Variants in TMEM181 observed in about 807,000 individuals in gnomAD.
TMEM181 encodes the protein G protein-coupled receptor 178.
In TMEM181, 39 loss-of-function variants were observed where a neutral mutation model predicts 71.9. That is an observed-to-expected ratio of 0.54 (90% CI 0.42 to 0.71). The LOEUF is 0.71. Ranked by LOEUF, TMEM181 falls within the 30% of genes least tolerant of loss-of-function variation. The pLI, the probability that TMEM181 is intolerant of heterozygous loss-of-function variation, is 0.00. For missense variants in TMEM181, 595 were observed against 583.0 expected (o/e 1.02, Z -0.21); for synonymous variants, 245 against 228.8 (o/e 1.07, Z -0.64).
chr6:158,612,264 G>A (rs1051811572), intron 10 of TMEM181, among the ~76,000 whole-genome samples: 3 of 152,188 alleles, frequency 2.0e-5, no homozygotes, highest in Non-Finnish European at 2.9e-5. Context: ...CTGAAAATGG[G>A]GGTGTTTGTC....
intron 1 of TMEM181, among the ~76,000 whole-genome samples, chr6:158,570,958 G>C (rs1782773273): frequency 1.3e-5 from 2 of 151,514 alleles, no homozygotes; most frequent in South Asian, 2.1e-4. Flanking sequence ...CTGTCACCTG[G>C]CTGGAGTGCA....
chr6:158,539,462 C>G (rs751037753), intron 1 of TMEM181, among the ~76,000 whole-genome samples: 1 of 152,318 alleles, frequency 6.6e-6, no homozygotes, highest in South Asian at 2.1e-4. Context: ...GGCTCCTTCT[C>G]TTCTCACCGT....
At chr6:158,575,294 T>C (rs1485324137) in intron 2 of TMEM181, among the ~76,000 whole-genome samples, 1 of 152,180 alleles carries the variant, frequency 6.6e-6, no homozygotes, top group African/African-American at 2.4e-5. Flanking sequence ...TAACTGTCAT[T>C]TTGCAAATGA....
At chr6:158,590,167 C>T (rs1784025704) in intron 6 of TMEM181, among the ~76,000 whole-genome samples, 1 of 152,078 alleles carries the variant, frequency 6.6e-6, no homozygotes, top group South Asian at 2.1e-4. Context: ...TTTCTTGTGT[C>T]CAGCTGAAAT....
chr6:158,612,659 C>T (rs745423137), intron 10 of TMEM181, among the ~76,000 whole-genome samples: 1 of 152,324 alleles, frequency 6.6e-6, no homozygotes, highest in Non-Finnish European at 1.5e-5. Flanking sequence ...GCCTCTCTTA[C>T]GAGACCTGAT....
At chr6:158,537,594 C>G (rs1229219306) in intron 1 of TMEM181, among the ~76,000 whole-genome samples, 1 of 152,206 alleles carries the variant, frequency 6.6e-6, no homozygotes, top group African/African-American at 2.4e-5. Context: ...CCGCCAATGG[C>G]CGATTTACCC....
At chr6:158,582,249 C>T (rs1783523985) in intron 3 of TMEM181, among the ~76,000 whole-genome samples, 1 of 152,142 alleles carries the variant, frequency 6.6e-6, no homozygotes, top group African/African-American at 2.4e-5. Flanking sequence ...TTTACAGTTT[C>T]TGTCTCTCAG....
At chr6:158,544,126 A>G (rs1781444710) in intron 1 of TMEM181, among the ~76,000 whole-genome samples, 1 of 151,408 alleles carries the variant, frequency 6.6e-6, no homozygotes, top group South Asian at 2.1e-4. Context: ...GAGGTGTCTG[A>G]AACCTTCACT....
chr6:158,583,878 T>G, intron 3 of TMEM181, 76 bp from the exon 4 acceptor site: 1 of 1,051,140 alleles, frequency 9.5e-7, no homozygotes, highest in Non-Finnish European at 1.4e-6. Context: ...AAGTAAACTT[T>G]GTGTGTTAAA....
chr6:158,610,805 C>T, intron 10 of TMEM181: 1 of 310,838 alleles, frequency 3.2e-6, no homozygotes, highest in Non-Finnish European at 6.1e-6. Context: ...AGGTAGCCGG[C>T]AGGCTTGGGG....
At chr6:158,564,190 C>A (rs562258159) in intron 1 of TMEM181, among the ~76,000 whole-genome samples, 5 of 152,176 alleles carry the variant, frequency 3.3e-5, no homozygotes, top group African/African-American at 4.8e-5. Flanking sequence ...AACCCATTAG[C>A]TGGTAGGTTA....
Position 158,623,540 on chromosome 6 carries a change from C to A in TMEM181, c.897-10C>A. On this transcript the variant is annotated splice_polypyrimidine_tract_variant and intron_variant, in intron 10 of 16. Coordinates refer to ENST00000684151, the MANE Select transcript of TMEM181 (RefSeq NM_001376852.1). ...ATTAATCTATAATTATTTATAATGT[C>A]AATTTTTAGAGTTAACGAATTACAT... 2 of 1,511,754 alleles carry A rather than the reference C, an allele frequency of 1.3e-6. No homozygotes were observed. The highest frequency in any genetic ancestry group is 2.3e-5 in the East Asian group (1 of 43,076). The allele number at this position is 1,511,754 out of a possible 1,614,324, so 93.6% of individuals were successfully genotyped here.
intron 12 of TMEM181, 51 bp downstream of exon 12, chr6:158,625,257 G>A (rs1314158953): frequency 5.3e-6 from 8 of 1,521,854 alleles, no homozygotes; most frequent in Non-Finnish European, 7.3e-6. Context: ...AGTGACTCAG[G>A]TGGGGGAAGA....
Position 158,560,175 on chromosome 6 carries a change from C to T in TMEM181, c.-50C>T, listed in dbSNP as rs1055998171. On this transcript the variant is annotated 5_prime_UTR_variant, in exon 1 of 17. Transcript: ENST00000684151. ...CGCTGCCGAGGCTGCTGCGCGGCGC[C>T]TGGCGGGCTCGGGACGCGCGGGCCG... 1.8e-5 allele frequency: 18 copies of T among 984,816 alleles called. No homozygotes were observed. The highest frequency in any genetic ancestry group is 6.2e-5 in the Admixed American group (1 of 16,202). The allele number at this position is 984,816 out of a possible 1,614,324, so 61.0% of individuals were successfully genotyped here.
intron 11 of TMEM181, 25 bp from the exon 12 acceptor site, chr6:158,625,079 C>CT (rs747724707): frequency 1.3e-6 from 2 of 1,588,006 alleles, no homozygotes; most frequent in Non-Finnish European, 1.7e-6. Flanking sequence ...TGTTCCGACT[C>CT]AAGTGCTGCC....
chr6:158,618,268 A>G (rs539871891), intron 10 of TMEM181, among the ~76,000 whole-genome samples: 1 of 152,154 alleles, frequency 6.6e-6, no homozygotes, highest in South Asian at 2.1e-4. Flanking sequence ...TTGTTGGTTT[A>G]AAGTTTGTTT....
chr6:158,629,627 G>C, intron 14 of TMEM181, 103 bp from the exon 15 acceptor site: 2 of 980,422 alleles, frequency 2.0e-6, no homozygotes, highest in South Asian at 3.2e-5. Context: ...GCGGGTGCTT[G>C]GCACTAGAAG....
chr6:158,580,921 C>G lies in TMEM181; in HGVS notation c.113-19C>G. On this transcript the variant is annotated intron_variant, in intron 2 of 16. Transcript: ENST00000684151. ...AATATTGCTATAATCTGCTTTTGTC[C>G]TTTTCTGTTACACTTTAGGACCTAA... is the stretch of plus-strand genomic sequence containing the variant. 6.3e-7 allele frequency: 1 copy of G among 1,581,414 alleles called. No homozygotes were observed. Among genetic ancestry groups the G allele is most frequent in the Non-Finnish European group, 8.7e-7 (1 of 1,155,200 alleles).
upstream of TMEM181, among the ~76,000 whole-genome samples, chr6:158,558,028 G>A (rs894866926): frequency 2.6e-5 from 4 of 152,254 alleles, no homozygotes; most frequent in African/African-American, 9.6e-5. Flanking sequence ...CATCCTTGAA[G>A]GAGTGTTGGG....
Sources: gnomAD v4.1 joint callset for allele counts (sites outside exome capture counted in the v4.1 genomes callset) on GRCh38, gnomAD v4.1.1 for gene constraint, MANE v1.5 for transcripts, NCBI Gene and HGNC (gene_info 2026-07-23, HGNC 2026-07-21) for gene names.